The following PLPPR4 variants were observed in gnomAD, a reference collection of about 807,000 sequenced individuals.
The protein encoded by PLPPR4 is phospholipid phosphatase-related protein type 4.
Under a neutral mutation model 56.6 loss-of-function variants are expected in PLPPR4, and 24 were observed. That is an observed-to-expected ratio of 0.42 (90% CI 0.31 to 0.60). PLPPR4 has a LOEUF of 0.60. Ranked by LOEUF, PLPPR4 falls within the 20% of genes least tolerant of loss-of-function variation. PLPPR4 has a pLI of 0.13. For missense variants in PLPPR4, 654 were observed against 885.8 expected (o/e 0.74, Z 3.32); for synonymous variants, 326 against 328.1 (o/e 0.99, Z 0.07).
intron 1 of PLPPR4, among the ~76,000 whole-genome samples, chr1:99,269,997 T>C (rs992844734): frequency 7.4e-6 from 1 of 134,474 alleles, no homozygotes; most frequent in Non-Finnish European, 1.6e-5. Context: ...TTCATTCCTT[T>C]TGTGTGTGTG....
intron 6 of PLPPR4, among the ~76,000 whole-genome samples, chr1:99,304,170 AC>A (rs1397921154): frequency 2.6e-5 from 4 of 152,226 alleles, no homozygotes; most frequent in East Asian, 3.8e-4. Context: ...CATATATAAT[AC>A]CATGGTGATC....
At chr1:99,284,906 AGC>A (rs1248269188) in intron 1 of PLPPR4, among the ~76,000 whole-genome samples, 5 of 152,184 alleles carry the variant, frequency 3.3e-5, no homozygotes, top group Non-Finnish European at 7.3e-5. Flanking sequence ...TAGTTTGGGA[AGC>A]AAAGCAAAAG....
intron 6 of PLPPR4, among the ~76,000 whole-genome samples, chr1:99,303,443 T>C (rs1379137488): frequency 6.6e-6 from 1 of 152,130 alleles, no homozygotes; most frequent in East Asian, 1.9e-4. Flanking sequence ...GAGAAGGATA[T>C]TTAATGGAAG....
chr1:99,305,738 C>A lies in PLPPR4; in HGVS notation c.876C>A (p.His292Gln). 1 of 1,614,000 alleles carries A rather than the reference C, an allele frequency of 6.2e-7. No individual in the cohort carries two copies. Among genetic ancestry groups the A allele is most frequent in the Non-Finnish European group, 8.5e-7 (1 of 1,179,986 alleles). ...CCAGTGATGAGAGTATGTTTCAGCA[C>A]AGAGACGCCCTCAGGTCTCTGACAG... ...FLPSDESMFQ[H>Q]RDALRSLTDL... The change falls in exon 7 of 7, where the codon CAC becomes CAA. Residue 292 changes from histidine to glutamine, a missense_variant. Transcript: ENST00000370185.
intron 2 of PLPPR4, among the ~76,000 whole-genome samples, chr1:99,289,237 C>T (rs985417931): frequency 5.3e-5 from 8 of 152,060 alleles, no homozygotes; most frequent in Non-Finnish European, 1.2e-4. Context: ...TTGAAAGCTC[C>T]ACATTCTAAT....
intron 1 of PLPPR4, among the ~76,000 whole-genome samples, chr1:99,265,108 A>G (rs925119742): frequency 6.6e-6 from 1 of 151,428 alleles, no homozygotes; most frequent in Non-Finnish European, 1.5e-5. Flanking sequence ...AGGTGTTTAC[A>G]TAGTACAAAT....
At chr1:99,280,232 T>C (rs1659287384) in intron 1 of PLPPR4, among the ~76,000 whole-genome samples, 1 of 152,190 alleles carries the variant, frequency 6.6e-6, no homozygotes, top group Non-Finnish European at 1.5e-5. Context: ...GTCTGGGTGT[T>C]CCCAATTTGG....
intron 1 of PLPPR4, among the ~76,000 whole-genome samples, 164 bp downstream of exon 1, chr1:99,264,835 C>T (rs1658850325): frequency 6.6e-6 from 1 of 152,162 alleles, no homozygotes; most frequent in African/African-American, 2.4e-5. Flanking sequence ...AGCAGCTCCC[C>T]GAATGTGCCT....
intron 1 of PLPPR4, among the ~76,000 whole-genome samples, chr1:99,272,472 T>C (rs1659082945): frequency 6.6e-6 from 1 of 152,192 alleles, no homozygotes; most frequent in Non-Finnish European, 1.5e-5. Context: ...TACAGGTCAT[T>C]CTAATTCTAC....
At chr1:99,280,502 A>G (rs1659296700) in intron 1 of PLPPR4, among the ~76,000 whole-genome samples, 1 of 152,214 alleles carries the variant, frequency 6.6e-6, no homozygotes, top group African/African-American at 2.4e-5. Flanking sequence ...CACCTAAAAC[A>G]TTAAAAGCAC....
At chr1:99,291,628 A>G (rs1659622566) in intron 2 of PLPPR4, among the ~76,000 whole-genome samples, 1 of 152,244 alleles carries the variant, frequency 6.6e-6, no homozygotes, top group African/African-American at 2.4e-5. Flanking sequence ...TTGCAGGGAC[A>G]TGGATGGAGC....
intron 1 of PLPPR4, 51 bp from the exon 2 acceptor site, chr1:99,287,914 G>A: frequency 7.0e-7 from 1 of 1,422,008 alleles, no homozygotes; most frequent in Middle Eastern, 1.9e-4. Flanking sequence ...TTCTATGTAT[G>A]CCCTGTATAT....
At chr1:99,270,854 G>A (rs1418648701) in intron 1 of PLPPR4, among the ~76,000 whole-genome samples, 3 of 152,036 alleles carry the variant, frequency 2.0e-5, no homozygotes, top group Admixed American at 6.6e-5. Flanking sequence ...AATGAGATGA[G>A]TTGGCAAGTC....
chr1:99,300,412 C>T (rs1333366865), intron 4 of PLPPR4, among the ~76,000 whole-genome samples: 1 of 151,958 alleles, frequency 6.6e-6, no homozygotes, highest in Non-Finnish European at 1.5e-5. Flanking sequence ...TAAAATTAGA[C>T]TTTTCTTATG....
intron 6 of PLPPR4, among the ~76,000 whole-genome samples, 192 bp downstream of exon 6, chr1:99,302,089 A>G (rs1659894977): frequency 6.6e-6 from 1 of 152,114 alleles, no homozygotes; most frequent in Non-Finnish European, 1.5e-5. Flanking sequence ...ACTATGAGCC[A>G]GAAATTGTAA....
chr1:99,274,811 CT>C (rs1659141641), intron 1 of PLPPR4, among the ~76,000 whole-genome samples: 1 of 152,116 alleles, frequency 6.6e-6, no homozygotes, highest in South Asian at 2.1e-4. Context: ...CACTGCCATT[CT>C]TATCTTTCCA....
intron 1 of PLPPR4, among the ~76,000 whole-genome samples, chr1:99,275,597 A>AGCTTTG (rs750034225): frequency 2.6e-5 from 4 of 152,200 alleles, no homozygotes; most frequent in Non-Finnish European, 5.9e-5. Context: ...ACTGAACCTC[A>AGCTTTG]GCTTTGGCTT....
chr1:99,274,227 T>A (rs1210374101), intron 1 of PLPPR4, among the ~76,000 whole-genome samples: 1 of 152,116 alleles, frequency 6.6e-6, no homozygotes, highest in Non-Finnish European at 1.5e-5. Flanking sequence ...AGCTTTAGAA[T>A]CTTGGGCAGT....
chr1:99,291,210 G>A (rs1365642032), intron 2 of PLPPR4, among the ~76,000 whole-genome samples: 5 of 152,088 alleles, frequency 3.3e-5, no homozygotes, highest in Non-Finnish European at 5.9e-5. Flanking sequence ...CTGATCATTA[G>A]AGAAATGCAA....
Sources: gnomAD v4.1 joint callset for allele counts (sites outside exome capture counted in the v4.1 genomes callset) on GRCh38, gnomAD v4.1.1 for gene constraint, MANE v1.5 for transcripts, NCBI Gene and HGNC (gene_info 2026-07-23, HGNC 2026-07-21) for gene names.